Variants in DEAF1 observed in about 807,000 individuals in gnomAD.
The protein encoded by DEAF1 is deformed epidermal autoregulatory factor 1 homolog.
A neutral mutation model predicts 58.9 loss-of-function variants in DEAF1; 53 were observed. That is an observed-to-expected ratio of 0.90 (90% CI 0.72 to 1.13). The LOEUF (loss-of-function observed/expected upper bound fraction) is 1.13, where lower values mean the gene tolerates loss of function less well. Among genes scored for constraint, DEAF1 ranks in the 50% most tolerant of loss-of-function variants. The pLI, the probability that DEAF1 is intolerant of heterozygous loss-of-function variation, is 0.00. For synonymous variants in DEAF1, 385 were observed against 340.4 expected, an observed-to-expected ratio of 1.13 and a Z score of -1.44; for missense variants, 685 against 791.4, an observed-to-expected ratio of 0.87 and a Z score of 1.61.
upstream of DEAF1, among the ~76,000 whole-genome samples, chr11:696,334 G>A (rs1328076463): frequency 6.6e-6 from 1 of 152,142 alleles, no homozygotes; most frequent in African/African-American, 2.4e-5. Flanking sequence ...GGTACAGCCA[G>A]AACTCCCATA....
intron 1 of DEAF1, among the ~76,000 whole-genome samples, chr11:702,066 C>G (rs1861521861): frequency 6.6e-6 from 1 of 152,228 alleles, no homozygotes; most frequent in Admixed American, 6.5e-5. Context: ...TTGGGCCCCT[C>G]TTGTTCACAT....
chr11:701,335 C>T (rs1478727669), intron 1 of DEAF1, among the ~76,000 whole-genome samples: 2 of 151,844 alleles, frequency 1.3e-5, no homozygotes, highest in East Asian at 1.9e-4. Context: ...ATTACAGGCA[C>T]CTGCCACCAC....
At chr11:647,183 C>T (rs1026136282) in intron 11 of DEAF1, among the ~76,000 whole-genome samples, 17 of 151,078 alleles carry the variant, frequency 1.1e-4, no homozygotes, top group African/African-American at 2.0e-4. Flanking sequence ...AGGCTGGGTA[C>T]GGTGGCTCAT....
At chr11:699,892 C>A (rs1564961447), upstream of DEAF1, 2 of 482,668 alleles carry the variant, frequency 4.1e-6, no homozygotes, top group Non-Finnish European at 7.4e-6. Flanking sequence ...AGGGCAGGGG[C>A]TGCAGTGCAC....
At chr11:674,321 T>C (rs937184491) in intron 10 of DEAF1, 18 of 646,614 alleles carry the variant, frequency 2.8e-5, no homozygotes, top group Admixed American at 8.7e-5. Flanking sequence ...AAAGCAACCT[T>C]ATTTACAAAA....
At chr11:682,162 T>G (rs970541886) in intron 6 of DEAF1, among the ~76,000 whole-genome samples, 2 of 152,148 alleles carry the variant, frequency 1.3e-5, no homozygotes, top group Non-Finnish European at 2.9e-5. Context: ...GGTGGGAGTT[T>G]TGGCTGTCGC....
intron 1 of DEAF1, chr11:703,974 C>T (rs1208630321): frequency 4.1e-6 from 5 of 1,230,202 alleles, no homozygotes; most frequent in Non-Finnish European, 5.1e-6. Context: ...GATTTACTAT[C>T]AGTTCTCCTT....
chr11:679,129 G>A (rs550999189), intron 8 of DEAF1, among the ~76,000 whole-genome samples: 6 of 152,112 alleles, frequency 3.9e-5, no homozygotes, highest in Non-Finnish European at 8.8e-5. Flanking sequence ...TGGCTAACAT[G>A]GTGAAACGCT....
chr11:646,662 A>C (rs1480705448), intron 11 of DEAF1: 1 of 152,256 alleles, frequency 6.6e-6, no homozygotes, highest in Non-Finnish European at 1.5e-5. Context: ...GTTGACTTTT[A>C]AAATCAGAAC....
intron 6 of DEAF1, among the ~76,000 whole-genome samples, chr11:683,777 C>G (rs892425254): frequency 3.9e-5 from 6 of 152,164 alleles, no homozygotes; most frequent in Non-Finnish European, 8.8e-5. Flanking sequence ...TGACGTATTT[C>G]AATCTTCCCT....
intron 1 of DEAF1, among the ~76,000 whole-genome samples, chr11:702,481 G>A (rs948029681): frequency 1.7e-4 from 26 of 152,266 alleles, no homozygotes; most frequent in Admixed American, 1.5e-3. Context: ...CTCAGCTAGT[G>A]ACTGACCCAT....
chr11:675,840 A>G (rs1860023247), intron 9 of DEAF1, among the ~76,000 whole-genome samples: 1 of 151,390 alleles, frequency 6.6e-6, no homozygotes, highest in South Asian at 2.1e-4. Context: ...AGAAAAGAAA[A>G]CTCTCACGCA....
At position 679,678 on chromosome 11, in the gene DEAF1, A is replaced by G. The variant is rs777394799; in HGVS notation, c.1126+10T>C. 6.2e-7 allele frequency: 1 copy of G among 1,610,930 alleles called. No homozygotes were observed. The highest frequency in any genetic ancestry group is 1.3e-5 in the African/African-American group (1 of 75,060). On this transcript the variant is annotated intron_variant, in intron 8 of 11. Coordinates refer to ENST00000382409, the MANE Select transcript of DEAF1 (RefSeq NM_021008.4). The stretch of plus-strand genomic sequence containing the variant: ...TGAGGACGCGTCAGGCAGGCACTGG[A>G]GCAGCTCACCTGTGGCCCCTGCGAA...
chr11:668,970 T>C (rs12796574), intron 10 of DEAF1, among the ~76,000 whole-genome samples: 111,421 of 151,816 alleles, frequency 0.73, 41,429 homozygotes, highest in East Asian at 0.93. Context: ...GGACTATAGG[T>C]GCCTGCCACC....
intron 10 of DEAF1, among the ~76,000 whole-genome samples, chr11:669,732 C>G (rs910431144): frequency 1.3e-5 from 2 of 151,600 alleles, no homozygotes; most frequent in African/African-American, 2.4e-5. Flanking sequence ...GAGTTCAAGA[C>G]CAGCCTGACA....
chr11:654,402 T>C (rs1211586675), intron 10 of DEAF1, among the ~76,000 whole-genome samples: 1 of 150,988 alleles, frequency 6.6e-6, no homozygotes, highest in Non-Finnish European at 1.5e-5. Context: ...TCTGACCTCG[T>C]GATCCACCTG....
At chr11:678,930 C>T in intron 8 of DEAF1, 108 bp from the exon 9 acceptor site, 1 of 1,442,398 alleles carries the variant, frequency 6.9e-7, no homozygotes, top group Non-Finnish European at 9.4e-7. Context: ...TAGCTTATGG[C>T]CACACGTGGC....
intron 10 of DEAF1, among the ~76,000 whole-genome samples, chr11:660,415 G>A (rs963894475): frequency 6.6e-6 from 1 of 152,240 alleles, no homozygotes; most frequent in African/African-American, 2.4e-5. Flanking sequence ...CCCCTGAAGT[G>A]GGACTGCAAA....
At chr11:685,066 C>G in intron 5 of DEAF1, 103 bp from the exon 6 acceptor site, 1 of 623,568 alleles carries the variant, frequency 1.6e-6, no homozygotes, top group Non-Finnish European at 2.8e-6. Context: ...ACCTACCATT[C>G]ATAAATATAA....
Sources: allele counts gnomAD v4.1 joint callset (sites outside exome capture counted in the v4.1 genomes callset), GRCh38; gene constraint gnomAD v4.1.1; transcripts MANE v1.5; gene names NCBI Gene and HGNC (gene_info 2026-07-23, HGNC 2026-07-21).